The following INPP4A variants were observed in gnomAD, a reference collection of about 807,000 sequenced individuals.
INPP4A encodes the protein inositol polyphosphate-4-phosphatase type I A, also known as inositol polyphosphate-4-phosphatase, type I, 107kD.
A neutral mutation model predicts 119.8 loss-of-function variants in INPP4A; 33 were observed. The observed-to-expected ratio is 0.28, with a 90% confidence interval of 0.21 to 0.37. The LOEUF (loss-of-function observed/expected upper bound fraction) is 0.37. Among genes scored for constraint, INPP4A ranks in the 10% least tolerant of loss-of-function variants. The probability of loss-of-function intolerance (pLI) is 1.00; values close to 1 mark genes in which losing one functional copy is unlikely to be tolerated. For synonymous variants in INPP4A, 496 were observed against 500.7 expected (o/e 0.99, Z 0.12); for missense variants, 956 against 1,289.9 (o/e 0.74, Z 3.97).
chr2:98,492,534 A>C (rs1681039917), intron 1 of INPP4A, among the ~76,000 whole-genome samples: 1 of 152,196 alleles, frequency 6.6e-6, no homozygotes, highest in Non-Finnish European at 1.5e-5. Context: ...TACTCATAGA[A>C]TCGATCCTGC....
At chr2:98,541,712 A>G (rs1326819115) in intron 10 of INPP4A, among the ~76,000 whole-genome samples, 1 of 152,200 alleles carries the variant, frequency 6.6e-6, no homozygotes, top group Non-Finnish European at 1.5e-5. Flanking sequence ...AGCTTCCTGA[A>G]CAGATAGAAC....
intron 1 of INPP4A, among the ~76,000 whole-genome samples, chr2:98,488,970 T>TGTGC (rs1313140518): frequency 6.6e-6 from 1 of 151,460 alleles, no homozygotes; most frequent in Non-Finnish European, 1.5e-5. Context: ...TGTGTGTGTG[T>TGTGC]GTGTGTGTGT....
intron 24 of INPP4A, chr2:98,581,495 C>T (rs998026874): frequency 2.4e-5 from 32 of 1,329,102 alleles, no homozygotes; most frequent in Admixed American, 3.3e-5. Flanking sequence ...TAAAATCCAT[C>T]GCATGTGTCT....
chr2:98,503,743 C>T (rs1683555166), intron 1 of INPP4A, among the ~76,000 whole-genome samples: 1 of 152,236 alleles, frequency 6.6e-6, no homozygotes, highest in Non-Finnish European at 1.5e-5. Context: ...GAAGGCATTT[C>T]AGGTCATCAA....
chr2:98,450,307 T>C (rs1008760053), intron 1 of INPP4A, among the ~76,000 whole-genome samples: 2 of 152,156 alleles, frequency 1.3e-5, no homozygotes, highest in African/African-American at 2.4e-5. Context: ...CTTCACAGGA[T>C]TGAAAAATGA....
At chr2:98,455,483 G>T (rs891223237) in intron 1 of INPP4A, among the ~76,000 whole-genome samples, 18 of 152,162 alleles carry the variant, frequency 1.2e-4, no homozygotes, top group African/African-American at 4.1e-4. Flanking sequence ...GAAGGGAAGC[G>T]CTAGCAGTCT....
At chr2:98,587,343 A>G (rs1350398377) in intron 24 of INPP4A, 133 bp from the exon 25 acceptor site, 2 of 937,558 alleles carry the variant, frequency 2.1e-6, no homozygotes, top group Non-Finnish European at 3.0e-6. Flanking sequence ...TTTGTTGTAA[A>G]TGAGTCCGGC....
chr2:98,453,412 C>A (rs1695557410), intron 1 of INPP4A, among the ~76,000 whole-genome samples: 1 of 152,158 alleles, frequency 6.6e-6, no homozygotes, highest in Non-Finnish European at 1.5e-5. Context: ...AAGTACGTTT[C>A]CTATGGGAAG....
At chr2:98,577,565 C>T (rs1698639342) in intron 24 of INPP4A, among the ~76,000 whole-genome samples, 2 of 152,242 alleles carry the variant, frequency 1.3e-5, no homozygotes, top group South Asian at 4.1e-4. Context: ...CATTTCCAAA[C>T]TTGAGTGAAG....
At position 98,566,066 on chromosome 2, in the gene INPP4A, C is replaced by T; in HGVS notation, c.2317C>T (p.Leu773=). The change falls in exon 21 of 25, where the codon CTG becomes TTG. Residue 773 remains leucine, a synonymous_variant. Transcript: ENST00000409851. The surrounding 1 kb of genome is among the most constrained non-coding windows in gnomAD (Gnocchi z 4.2). ...CGTGCGGGTCCCTCTGCCGGGCCCG[C>T]TGTTTGACGCCTTGCCCCGGGAGAT... The part of the protein sequence containing the change: ...FNVRVPLPGP[L]FDALPREIQS... 6.2e-7 allele frequency: 1 copy of T among 1,604,370 alleles called. No homozygotes were observed. The highest frequency in any genetic ancestry group is 8.5e-7 in the Non-Finnish European group (1 of 1,175,880).
intron 1 of INPP4A, among the ~76,000 whole-genome samples, chr2:98,496,280 T>C (rs371766630): frequency 2.6e-5 from 4 of 152,352 alleles, no homozygotes; most frequent in African/African-American, 9.6e-5. Context: ...ATTTTTGGCT[T>C]ATAGTCTCCA....
Position 98,552,981 on chromosome 2 carries a change from G to T in INPP4A, c.1347+12G>T. 1.9e-6 allele frequency: 3 copies of T among 1,597,302 alleles called. No homozygotes were observed. The highest frequency in any genetic ancestry group is 2.6e-6 in the Non-Finnish European group (3 of 1,169,890). On this transcript the variant is annotated intron_variant, in intron 14 of 24. Transcript: ENST00000409851. ...TCTTGGCAGACAAGGTAGGAGGGGT[G>T]CCCTGCTACATATGGGCTGGGGAGT...
intron 24 of INPP4A, 31 bp downstream of exon 24, chr2:98,577,174 C>T: frequency 6.5e-7 from 1 of 1,549,510 alleles, no homozygotes; most frequent in Non-Finnish European, 8.7e-7. Flanking sequence ...GCGCGCCCCG[C>T]CTGCCCCGGC....
chr2:98,461,723 TG>T (rs1697184233), intron 1 of INPP4A, among the ~76,000 whole-genome samples: 2 of 152,238 alleles, frequency 1.3e-5, no homozygotes, highest in Non-Finnish European at 2.9e-5. Flanking sequence ...CAGGCCTGCA[TG>T]TGCAGACATG....
At chr2:98,515,520 A>G (rs1685946175) in intron 1 of INPP4A, among the ~76,000 whole-genome samples, 3 of 152,188 alleles carry the variant, frequency 2.0e-5, no homozygotes, top group Admixed American at 6.5e-5. Flanking sequence ...CTTTGGGTTG[A>G]TAACGATAGT....
chr2:98,584,003 T>C (rs1004414074), intron 24 of INPP4A, among the ~76,000 whole-genome samples: 1 of 152,220 alleles, frequency 6.6e-6, no homozygotes, highest in Non-Finnish European at 1.5e-5. Context: ...GTGTGTTCAC[T>C]TGTCTCTTCT....
chr2:98,499,046 A>G (rs17032806), intron 1 of INPP4A, among the ~76,000 whole-genome samples: 2,357 of 152,324 alleles, frequency 0.015, 69 homozygotes, highest in African/African-American at 0.054. Context: ...CTTTTTGCCA[A>G]TTCTGCCCCA....
intron 1 of INPP4A, among the ~76,000 whole-genome samples, chr2:98,455,628 T>C (rs1696010117): frequency 6.6e-6 from 1 of 152,144 alleles, no homozygotes; most frequent in South Asian, 2.1e-4. Flanking sequence ...GACAGTGGAA[T>C]GGAGTGGTGA....
At chr2:98,583,077 A>C (rs1157649308) in intron 24 of INPP4A, among the ~76,000 whole-genome samples, 1 of 152,218 alleles carries the variant, frequency 6.6e-6, no homozygotes, top group African/African-American at 2.4e-5. Flanking sequence ...CATACGCCAG[A>C]CACAGAAAGA....
Sources: gnomAD v4.1 joint callset for allele counts (sites outside exome capture counted in the v4.1 genomes callset) on GRCh38, gnomAD v4.1.1 for gene constraint, Gnocchi (gnomAD v3.1) non-coding constraint, MANE v1.5 for transcripts, NCBI Gene and HGNC (gene_info 2026-07-23, HGNC 2026-07-21) for gene names.